The following ACTN2 variants were observed in gnomAD, a reference collection of about 807,000 sequenced individuals.
ACTN2 encodes actinin alpha 2, also known as alpha-actinin-2.
Under a neutral mutation model 113.8 loss-of-function variants are expected in ACTN2, and 39 were observed. That is an observed-to-expected ratio of 0.34 (90% CI 0.27 to 0.45). The LOEUF (loss-of-function observed/expected upper bound fraction) is 0.45. Ranked by LOEUF, ACTN2 falls within the 20% of genes least tolerant of loss-of-function variation. ACTN2 has a pLI of 1.00. For missense variants in ACTN2, 992 were observed against 1,177.9 expected (o/e 0.84, Z 2.31); for synonymous variants, 429 against 444.1 (o/e 0.97, Z 0.43).
At chr1:236,745,191 T>C (rs1457931592) in intron 12 of ACTN2, among the ~76,000 whole-genome samples, 2 of 151,986 alleles carry the variant, frequency 1.3e-5, no homozygotes, top group African/African-American at 4.8e-5. Flanking sequence ...TCCCAGCACT[T>C]TGGGAGGCTG....
chr1:236,718,082 T>C (rs1202676129), intron 2 of ACTN2, 110 bp downstream of exon 2: 3 of 829,764 alleles, frequency 3.6e-6, no homozygotes, highest in Non-Finnish European at 6.1e-6. Flanking sequence ...GGCAAGAACA[T>C]GGTATTATTG....
intron 10 of ACTN2, among the ~76,000 whole-genome samples, chr1:236,740,556 A>C (rs2891794): frequency 0.46 from 69,719 of 150,856 alleles, 18,960 homozygotes; most frequent in Non-Finnish European, 0.61. Flanking sequence ...TTTTTGAGAC[A>C]GAGTCTCACT....
intron 1 of ACTN2, among the ~76,000 whole-genome samples, chr1:236,696,324 A>G (rs537967103): frequency 3.9e-5 from 6 of 152,166 alleles, no homozygotes; most frequent in African/African-American, 1.4e-4. Context: ...TCTCAAAAAA[A>G]AAAAAAAAAG....
At chr1:236,753,824 C>G (rs1659469722) in intron 15 of ACTN2, 123 bp from the exon 16 acceptor site, 1 of 1,166,606 alleles carries the variant, frequency 8.6e-7, no homozygotes. Flanking sequence ...CCCCTACACC[C>G]TCCTCCCTTC....
chr1:236,715,610 A>C (rs1395744303), intron 1 of ACTN2, among the ~76,000 whole-genome samples: 1 of 152,160 alleles, frequency 6.6e-6, no homozygotes, highest in Non-Finnish European at 1.5e-5. Context: ...TCTAAGTTTA[A>C]GTGGCTACTT....
intron 13 of ACTN2, 28 bp downstream of exon 13, chr1:236,747,803 T>G: frequency 6.6e-7 from 1 of 1,518,518 alleles, no homozygotes; most frequent in Non-Finnish European, 9.1e-7. Context: ...CTTGTTGACA[T>G]GAAATCTTTT....
In ACTN2 at chr1:236,754,930, G is replaced by T; in HGVS notation, c.1975-89G>T. 1.3e-6 allele frequency: 2 copies of T among 1,510,176 alleles called. No individual in the cohort carries two copies. Among genetic ancestry groups the T allele is most frequent in the South Asian group, 2.3e-5 (2 of 88,526 alleles). The allele number at this position is 1,510,176 out of a possible 1,614,324, so 93.5% of individuals were successfully genotyped here. A position where few individuals can be genotyped will look rare whatever the true frequency, so the allele number is the denominator to read the frequency against. On this transcript the variant is annotated intron_variant, in intron 16 of 20. Transcript: ENST00000366578. This position sits in a 1 kb window ranked among gnomAD's most constrained non-coding sequence, Gnocchi z 4.9. ...GCCTGACGCTGGCCTAGCATCCCAT[G>T]CAGGGTCTGGAACGGCGCCTCGTGC...
At chr1:236,697,572 G>C (rs1182120985) in intron 1 of ACTN2, among the ~76,000 whole-genome samples, 1 of 152,120 alleles carries the variant, frequency 6.6e-6, no homozygotes, top group Non-Finnish European at 1.5e-5. Context: ...TCATGTATTA[G>C]ACAACTTGGA....
In ACTN2 at chr1:236,759,813, C is replaced by T. The variant is rs551620920; in HGVS notation, c.2367+24C>T. 1.6e-5 allele frequency: 25 copies of T among 1,596,838 alleles called. No homozygotes were observed. In the South Asian group the frequency reaches 2.5e-4, roughly 16 times the overall value. On this transcript the variant is annotated intron_variant, in intron 19 of 20. Transcript: ENST00000366578. ...TGGTAAGACAGAAGTTGAAATTGTA[C>T]TAAGATTTGATATTTTATTGAATTT...
At chr1:236,755,631 A>G (rs949105034) in intron 17 of ACTN2, among the ~76,000 whole-genome samples, 1 of 148,192 alleles carries the variant, frequency 6.7e-6, no homozygotes, top group African/African-American at 2.5e-5. Flanking sequence ...GAATCCTGAT[A>G]ATATACTGCA....
At chr1:236,720,224 A>G in intron 4 of ACTN2, 33 bp downstream of exon 4, 1 of 1,502,818 alleles carries the variant, frequency 6.7e-7, no homozygotes, top group Non-Finnish European at 9.3e-7. Context: ...TAATTGTATA[A>G]TCTGTAAATT....
intron 3 of ACTN2, among the ~76,000 whole-genome samples, chr1:236,719,336 T>C (rs887075010): frequency 6.6e-6 from 1 of 152,240 alleles, no homozygotes; most frequent in Non-Finnish European, 1.5e-5. Context: ...GGCCTCTTTG[T>C]TCTCTATGGG....
At chr1:236,742,330 G>A (rs1659096066) in intron 10 of ACTN2, among the ~76,000 whole-genome samples, 1 of 152,146 alleles carries the variant, frequency 6.6e-6, no homozygotes, top group East Asian at 1.9e-4. Context: ...TTTCTCACTA[G>A]TGCCTGGTAC....
intron 19 of ACTN2, 61 bp downstream of exon 19, chr1:236,759,850 A>G (rs1659654725): frequency 5.9e-6 from 9 of 1,517,792 alleles, no homozygotes; most frequent in Non-Finnish European, 8.2e-6. Context: ...GATTTCTGTT[A>G]TAAAAGATGA....
At chr1:236,735,246 C>T (rs893215291) in intron 7 of ACTN2, among the ~76,000 whole-genome samples, 2 of 152,148 alleles carry the variant, frequency 1.3e-5, no homozygotes, top group Non-Finnish European at 2.9e-5. Flanking sequence ...AAGTGACCTG[C>T]GTTCCCCAGA....
intron 4 of ACTN2, among the ~76,000 whole-genome samples, chr1:236,721,014 T>C (rs1205754276): frequency 9.6e-5 from 3 of 31,200 alleles, no homozygotes; most frequent in South Asian, 2.6e-3. Context: ...CTCTGGTTTT[T>C]GTTTTTTGTT....
intron 1 of ACTN2, among the ~76,000 whole-genome samples, chr1:236,706,906 A>G (rs1031209462): frequency 2.0e-5 from 3 of 152,228 alleles, no homozygotes; most frequent in Non-Finnish European, 4.4e-5. Flanking sequence ...ATAAGGCAGG[A>G]TTAGAGACTA....
rs1294042034 is a variant in ACTN2, at chr1:236,748,483, C to A, written c.1516-641C>A. On this transcript the variant is annotated intron_variant, in intron 13 of 20. Coordinates refer to ENST00000366578, the MANE Select transcript of ACTN2 (RefSeq NM_001103.4). ...TTTTAGAACAGGAGGGAAAAATGAA[C>A]CTAATTATGGAAGGCTTAAAGCTAC... Among the ~76,000 whole-genome samples the A allele has an allele frequency of 2.0e-5, 3 of 152,242 alleles. No homozygotes were observed. The East Asian group carries it at 5.8e-4, about 29-fold the overall frequency.
intron 13 of ACTN2, among the ~76,000 whole-genome samples, chr1:236,748,677 C>CA (rs1312341523): frequency 2.0e-5 from 3 of 152,148 alleles, no homozygotes; most frequent in Non-Finnish European, 4.4e-5. Context: ...CTTCTCTCTC[C>CA]ATTAGGTAGG....
Sources: allele counts gnomAD v4.1 joint callset (sites outside exome capture counted in the v4.1 genomes callset), GRCh38; gene constraint gnomAD v4.1.1; non-coding constraint Gnocchi (gnomAD v3.1); transcripts MANE v1.5; gene names NCBI Gene and HGNC (gene_info 2026-07-23, HGNC 2026-07-21).